The following NEDD4L variants were observed in gnomAD, a reference collection of about 807,000 sequenced individuals.
NEDD4L encodes NEDD4 like E3 ubiquitin protein ligase.
A neutral mutation model predicts 148.9 loss-of-function variants in NEDD4L; 54 were observed. The ratio of observed to expected loss-of-function variants is 0.36; its 90% CI spans 0.29 to 0.45. NEDD4L has a LOEUF of 0.45. NEDD4L is among the 20% of genes least tolerant of loss of function. The pLI is 1.00. For missense variants in NEDD4L, 856 were observed against 1,233.8 expected, an observed-to-expected ratio of 0.69 and a Z score of 4.59; for synonymous variants, 433 against 440.7, an observed-to-expected ratio of 0.98 and a Z score of 0.22.
chr18:58,144,237 T>G lies in NEDD4L; in HGVS notation c.49-21551T>G, dbSNP rs149068003. Among the ~76,000 whole-genome samples, 65 of 152,216 alleles carry G rather than the reference T, an allele frequency of 4.3e-4. 3 individuals carry two copies. Among genetic ancestry groups the G allele is most frequent in the African/African-American group, 1.5e-3 (61 of 41,520 alleles). On this transcript the variant is annotated intron_variant, in intron 1 of 30. Coordinates refer to ENST00000400345, the MANE Select transcript of NEDD4L (RefSeq NM_001144967.3). ...AATTGGTTCTTGGCTCTGCACGCTG[T>G]ACTGGATGATACAGGATGCATGATG...
intron 26 of NEDD4L, 135 bp downstream of exon 26, chr18:58,385,721 G>A (rs556113125): frequency 2.8e-5 from 20 of 710,840 alleles, no homozygotes; most frequent in African/African-American, 1.6e-4. Flanking sequence ...CAGGAAGACC[G>A]GGATCGCACA....
intron 1 of NEDD4L, among the ~76,000 whole-genome samples, chr18:58,151,736 A>T (rs144034503): frequency 6.6e-6 from 1 of 151,416 alleles, no homozygotes; most frequent in Non-Finnish European, 1.5e-5. Context: ...TGAATTTGGA[A>T]ATAATCTATG....
At chr18:58,153,540 A>T (rs897803260) in intron 1 of NEDD4L, among the ~76,000 whole-genome samples, 1 of 152,066 alleles carries the variant, frequency 6.6e-6, no homozygotes, top group East Asian at 1.9e-4. Context: ...GGGTTTCACC[A>T]TGTTGGCCAG....
chr18:58,148,156 C>T (rs2034304492), intron 1 of NEDD4L, among the ~76,000 whole-genome samples: 1 of 138,586 alleles, frequency 7.2e-6, no homozygotes, highest in African/African-American at 2.8e-5. Context: ...ATTGATTCCA[C>T]ACTGTTCTTT....
rs2048001036 is a variant in NEDD4L at position 58,252,056 on chromosome 18, T to C, written c.297+2T>C. 6.3e-7 allele frequency: 1 copy of C among 1,581,310 alleles called. No individual in the cohort carries two copies. ...GAAGTATTTGACGAAAATAGACTGG[T>C]AAGTGGATGCCTGTATTTGAATTTT... is the stretch of plus-strand genomic sequence containing the variant. On this transcript the variant is annotated splice_donor_variant, in intron 5 of 30. Coordinates refer to ENST00000400345, the MANE Select transcript of NEDD4L (RefSeq NM_001144967.3). LOFTEE classifies it high-confidence loss of function.
At chr18:58,392,043 G>A (rs1237442844) in intron 30 of NEDD4L, among the ~76,000 whole-genome samples, 2 of 152,248 alleles carry the variant, frequency 1.3e-5, no homozygotes, top group Non-Finnish European at 2.9e-5. Context: ...GGGTAAGAGG[G>A]CTGACACGTG....
chr18:58,313,810 A>G (rs1272311337), intron 5 of NEDD4L, among the ~76,000 whole-genome samples: 1 of 152,218 alleles, frequency 6.6e-6, no homozygotes, highest in Non-Finnish European at 1.5e-5. Context: ...TCAGTTTAGA[A>G]CTCAGATGTC....
At chr18:58,217,846 TATG>T (rs1183902887) in intron 2 of NEDD4L, among the ~76,000 whole-genome samples, 1 of 152,244 alleles carries the variant, frequency 6.6e-6, no homozygotes, top group Non-Finnish European at 1.5e-5. Context: ...GGAATCATAC[TATG>T]ATATTTTTTA....
chr18:58,183,053 A>T (rs1166665150), intron 2 of NEDD4L, among the ~76,000 whole-genome samples: 1 of 152,168 alleles, frequency 6.6e-6, no homozygotes, highest in East Asian at 1.9e-4. Context: ...GTTGTATGGG[A>T]GAAGTGTCTG....
intron 12 of NEDD4L, among the ~76,000 whole-genome samples, chr18:58,335,171 G>T (rs185863518): frequency 4.6e-5 from 7 of 152,290 alleles, no homozygotes; most frequent in Admixed American, 4.6e-4. Flanking sequence ...TTCAGAATCT[G>T]CTAATTATTT....
chr18:58,223,034 A>C (rs1599872641), intron 2 of NEDD4L, among the ~76,000 whole-genome samples: 1 of 143,982 alleles, frequency 6.9e-6, no homozygotes, highest in Non-Finnish European at 1.5e-5. Flanking sequence ...GTGGGTGCTG[A>C]CCTTTTTTTT....
At chr18:58,117,632 G>T (rs1411776686) in intron 1 of NEDD4L, among the ~76,000 whole-genome samples, 2 of 152,216 alleles carry the variant, frequency 1.3e-5, no homozygotes, top group Admixed American at 6.5e-5. Context: ...AGAGCAATAG[G>T]GGGAGGTGTG....
chr18:58,325,020 A>G lies in NEDD4L; in HGVS notation c.538A>G (p.Asn180Asp). 1 of 1,613,874 alleles carries G rather than the reference A, an allele frequency of 6.2e-7. No individual in the cohort carries two copies. Among genetic ancestry groups the G allele is most frequent in the Non-Finnish European group, 8.5e-7 (1 of 1,179,810 alleles). The change falls in exon 9 of 31, where the codon AAT becomes GAT. Residue 180 changes from asparagine (N) to aspartate (D), a missense_variant. By Grantham distance (23) the Asn-to-Asp change is conservative (BLOSUM62 1). This residue lies in a region of NEDD4L where 193 missense variants were observed against 244.2 expected (regional missense o/e 0.79). Transcript: ENST00000400345. ...GCATGGATGGGAAGTTGTTGACTCA[A>G]ATGACTCGGCTTCTCAGCACCAAGA... ...MEHGWEVVDS[N>D]DSASQHQEEL...
Position 58,370,388 on chromosome 18 carries a change from G to A in NEDD4L, c.2186-9G>A, listed in dbSNP as rs375623456. On this transcript the variant is annotated splice_polypyrimidine_tract_variant and intron_variant, in intron 22 of 30. Coordinates refer to ENST00000400345, the MANE Select transcript of NEDD4L (RefSeq NM_001144967.3). Reference sequence around the variant, plus strand: ...CCTGAAACTAAACCCAGTGTTTACCGTGTTTTAGGTTTCTTCATTAGACCA... The same window carrying A: ...CCTGAAACTAAACCCAGTGTTTACCATGTTTTAGGTTTCTTCATTAGACCA... 6.5e-5 allele frequency: 103 copies of A among 1,583,746 alleles called. 1 individual carries two copies. The highest frequency in any genetic ancestry group is 3.8e-4 in the Admixed American group (23 of 59,958).
chr18:58,077,715 A>G (rs893807634), intron 1 of NEDD4L, among the ~76,000 whole-genome samples: 18 of 152,160 alleles, frequency 1.2e-4, no homozygotes, highest in African/African-American at 4.1e-4. Flanking sequence ...CTTCCCGATT[A>G]CTTCATAGCT....
At chr18:58,118,985 G>T (rs201170296) in intron 1 of NEDD4L, among the ~76,000 whole-genome samples, 3 of 151,942 alleles carry the variant, frequency 2.0e-5, no homozygotes, top group East Asian at 3.9e-4. Context: ...TGTTACCCAG[G>T]CCCGGGGTCA....
chr18:58,054,688 C>T (rs2082018448), intron 1 of NEDD4L: 1 of 152,324 alleles, frequency 6.6e-6, no homozygotes, highest in Non-Finnish European at 1.5e-5. Flanking sequence ...TTGTGTGTGA[C>T]AATTGGATGC....
chr18:58,150,563 T>C (rs570084979), intron 1 of NEDD4L, among the ~76,000 whole-genome samples: 1 of 152,376 alleles, frequency 6.6e-6, no homozygotes, highest in South Asian at 2.1e-4. Flanking sequence ...TTTGAAACTT[T>C]TGTTTCCTGT....
chr18:58,274,327 A>G (rs2051532862), intron 5 of NEDD4L, among the ~76,000 whole-genome samples: 1 of 152,174 alleles, frequency 6.6e-6, no homozygotes, highest in Non-Finnish European at 1.5e-5. Context: ...TAACCAAAAG[A>G]GAGAGTGTAC....
Sources: gnomAD v4.1 joint callset for allele counts (sites outside exome capture counted in the v4.1 genomes callset) on GRCh38, gnomAD v4.1.1 for gene constraint, gnomAD v4.1.1 regional missense constraint, MANE v1.5 for transcripts, NCBI Gene and HGNC (gene_info 2026-07-23, HGNC 2026-07-21) for gene names.